MYPN: variants seen among roughly 807,000 people sequenced by gnomAD.
MYPN encodes the protein sarcomeric protein myopalladin, 145 kDa (MYOP).
In MYPN, 63 loss-of-function variants were observed where a neutral mutation model predicts 129.4. That is an observed-to-expected ratio of 0.49 (90% CI 0.40 to 0.60). The LOEUF (loss-of-function observed/expected upper bound fraction) is 0.60, where lower values mean the gene tolerates loss of function less well. Ranked by LOEUF, MYPN falls within the 20% of genes least tolerant of loss-of-function variation. MYPN has a pLI of 0.00. For synonymous variants in MYPN, 629 were observed against 600.9 expected, an observed-to-expected ratio of 1.05 and a Z score of -0.68; for missense variants, 1,596 against 1,635.4, an observed-to-expected ratio of 0.98 and a Z score of 0.42.
intron 10 of MYPN, among the ~76,000 whole-genome samples, chr10:68,172,605 G>A (rs1051941827): frequency 5.3e-5 from 8 of 152,100 alleles, no homozygotes; most frequent in African/African-American, 1.9e-4. Flanking sequence ...GACCATTAAG[G>A]CAAATCACGT....
intron 2 of MYPN, among the ~76,000 whole-genome samples, chr10:68,127,961 T>C (rs2042352552): frequency 6.6e-6 from 1 of 152,148 alleles, no homozygotes. Flanking sequence ...ATAATCAGTG[T>C]TTTGCCCATG....
chr10:68,203,182 G>A (rs572158716), intron 18 of MYPN, among the ~76,000 whole-genome samples: 109 of 152,192 alleles, frequency 7.2e-4, no homozygotes, highest in African/African-American at 2.4e-3. Context: ...GAGGAGGAGT[G>A]ACTGAGATGC....
intron 2 of MYPN, among the ~76,000 whole-genome samples, chr10:68,134,847 G>A (rs1415746534): frequency 2.6e-5 from 4 of 152,054 alleles, no homozygotes; most frequent in African/African-American, 9.7e-5. Flanking sequence ...TATGTGGTAA[G>A]GGGTGGTATT....
chr10:68,097,621 A>C (rs1342780936), intron 1 of MYPN, among the ~76,000 whole-genome samples: 1 of 152,208 alleles, frequency 6.6e-6, no homozygotes, highest in East Asian at 1.9e-4. Flanking sequence ...TACAGAGGTG[A>C]GAAAACTGAG....
chr10:68,143,791 A>G (rs535183102), intron 3 of MYPN, among the ~76,000 whole-genome samples: 1 of 152,118 alleles, frequency 6.6e-6, no homozygotes, highest in African/African-American at 2.4e-5. Context: ...GTCTCACTCT[A>G]TTGCCCAAGC....
At chr10:68,168,133 C>G (rs1415398739) in intron 10 of MYPN, among the ~76,000 whole-genome samples, 4 of 152,218 alleles carry the variant, frequency 2.6e-5, no homozygotes, top group Non-Finnish European at 5.9e-5. Flanking sequence ...TGTCCCCATT[C>G]CACATCATGA....
At chr10:68,193,162 T>C (rs2043543642) in intron 13 of MYPN, among the ~76,000 whole-genome samples, 1 of 152,076 alleles carries the variant, frequency 6.6e-6, no homozygotes, top group Non-Finnish European at 1.5e-5. Flanking sequence ...TTTATTGCTA[T>C]AAACTTCCCT....
At chr10:68,106,115 A>G, upstream of MYPN, 1 of 453,616 alleles carries the variant, frequency 2.2e-6, no homozygotes, top group Non-Finnish European at 4.4e-6. Flanking sequence ...GACACAAGTT[A>G]GGCAGTGAGA....
At chr10:68,127,553 T>G (rs74733788) in intron 2 of MYPN, among the ~76,000 whole-genome samples, 1 of 151,274 alleles carries the variant, frequency 6.6e-6, no homozygotes, top group African/African-American at 2.4e-5. Context: ...CAGGCTGGTC[T>G]TGAACTCCTG....
chr10:68,181,906 G>A (rs1486247885), intron 12 of MYPN, among the ~76,000 whole-genome samples: 3 of 151,854 alleles, frequency 2.0e-5, no homozygotes, highest in African/African-American at 4.8e-5. Context: ...AATCTCCCTC[G>A]CTAAACTTGA....
intron 4 of MYPN, 48 bp downstream of exon 4, chr10:68,145,574 A>C (rs1355965885): frequency 6.7e-7 from 1 of 1,485,722 alleles, no homozygotes; most frequent in Admixed American, 1.7e-5. Flanking sequence ...CAGATCAATT[A>C]ATAGCTCAAA....
rs1469459428 is a variant in MYPN, at chr10:68,182,469, TATAC to T, written c.2704-6434_2704-6431del. Among the ~76,000 whole-genome samples the T allele has an allele frequency of 4.7e-4, 53 of 111,982 alleles. 3 individuals are homozygous for T. Among genetic ancestry groups the T allele is most frequent in the African/African-American group, 1.8e-3 (50 of 28,156 alleles). The allele number at this position is 111,982 out of a possible 152,430, so 73.5% of individuals were successfully genotyped here. ...ATATATAACATATATATATAACATA[TATAC>T]ACACACACACACACACACACACACA... On this transcript the variant is annotated intron_variant, in intron 12 of 19. Transcript: ENST00000358913.
chr10:68,105,610 A>G (rs1564638751), upstream of MYPN, among the ~76,000 whole-genome samples: 1 of 152,208 alleles, frequency 6.6e-6, no homozygotes, highest in Non-Finnish European at 1.5e-5. Context: ...CTACATACCA[A>G]AAGAACAAGT....
At chr10:68,153,582 T>G (rs1240051450) in intron 6 of MYPN, among the ~76,000 whole-genome samples, 1 of 152,094 alleles carries the variant, frequency 6.6e-6, no homozygotes, top group African/African-American at 2.4e-5. Flanking sequence ...CCTCCATAAA[T>G]GGGTTAAGGA....
chr10:68,137,509 C>T (rs1174161309), intron 2 of MYPN, among the ~76,000 whole-genome samples: 1 of 152,184 alleles, frequency 6.6e-6, no homozygotes, highest in Non-Finnish European at 1.5e-5. Flanking sequence ...ACCTACTGGT[C>T]TGTCTTGAAC....
At chr10:68,150,330 A>C (rs1328295674) in intron 6 of MYPN, among the ~76,000 whole-genome samples, 1 of 152,150 alleles carries the variant, frequency 6.6e-6, no homozygotes, top group Admixed American at 6.5e-5. Flanking sequence ...CTCTTACCAC[A>C]CTAATCTCTG....
intron 8 of MYPN, among the ~76,000 whole-genome samples, chr10:68,165,009 A>T (rs78979322): frequency 6.6e-6 from 1 of 152,252 alleles, no homozygotes; most frequent in Non-Finnish European, 1.5e-5. Context: ...ATGTTTTATT[A>T]GTCCTTTAAT....
At chr10:68,136,254 T>C (rs1589543058) in intron 2 of MYPN, 1 of 987,278 alleles carries the variant, frequency 1.0e-6, no homozygotes, top group Non-Finnish European at 1.2e-6. Context: ...GCCATCCTTG[T>C]GCGTGAAAGG....
At chr10:68,193,151 A>T (rs2043543581) in intron 13 of MYPN, among the ~76,000 whole-genome samples, 1 of 151,452 alleles carries the variant, frequency 6.6e-6, no homozygotes, top group Non-Finnish European at 1.5e-5. Flanking sequence ...TTATGTAGGT[A>T]TTTATTGCTA....
Sources: allele counts gnomAD v4.1 joint callset (sites outside exome capture counted in the v4.1 genomes callset), GRCh38; gene constraint gnomAD v4.1.1; transcripts MANE v1.5; gene names NCBI Gene and HGNC (gene_info 2026-07-23, HGNC 2026-07-21).